Variants in USP9X observed in about 807,000 individuals in gnomAD.
The protein encoded by USP9X is ubiquitin specific peptidase 9 X-linked.
In USP9X, 7 loss-of-function variants were observed where a neutral mutation model predicts 190.3. The observed-to-expected ratio is 0.04, with a 90% CI of 0.02 to 0.07. USP9X has a LOEUF of 0.07. USP9X is among the 10% of genes least tolerant of loss of function. USP9X has a pLI of 1.00. For synonymous variants in USP9X, 645 were observed against 659.5 expected (o/e 0.98, Z 0.34); for missense variants, 1,010 against 1,916.9 (o/e 0.53, Z 8.83).
At chrX:41,205,887 CTTTTTTTCTTT>C (rs1185040268) in intron 32 of USP9X, among the ~76,000 whole-genome samples, 3 of 87,147 alleles carry the variant, frequency 3.4e-5, no homozygotes, top group African/African-American at 1.2e-4. Flanking sequence ...TTTTCTTTTT[CTTTTTTTCTTT>C]TTTTTTTTTG....
At chrX:41,093,509 T>TA (rs930255506) in intron 1 of USP9X, among the ~76,000 whole-genome samples, 1 of 111,555 alleles carries the variant, frequency 9.0e-6, no homozygotes, top group African/African-American at 3.3e-5. Flanking sequence ...CACACCCAGC[T>TA]AATTTTGTAT....
At chrX:41,195,565 A>G (rs1435179069) in intron 26 of USP9X, among the ~76,000 whole-genome samples, 1 of 111,446 alleles carries the variant, frequency 9.0e-6, no homozygotes, top group Admixed American at 9.6e-5. Flanking sequence ...ACCAGGGCCC[A>G]GTTTCATGGA....
In USP9X at chrX:41,196,048, C is replaced by A. The variant is rs952026690; in HGVS notation, c.3978-203C>A. 3 of 506,454 alleles carry A rather than the reference C, an allele frequency of 5.9e-6. No individual in the cohort carries two copies. The African/African-American group carries it at 7.0e-5, about 12-fold the overall frequency. The allele number at this position is 506,454 out of a possible 1,213,427, so 41.7% of individuals were successfully genotyped here. ...CTTAGTGTCAATTTGAGGTTATAGTCCTGGACATAGAGCTTAAGTTCATGT... is the reference window on the plus strand; with the variant it reads ...CTTAGTGTCAATTTGAGGTTATAGTACTGGACATAGAGCTTAAGTTCATGT... On this transcript the variant is annotated intron_variant, in intron 26 of 44. Transcript: ENST00000378308.
rs2063381068 is a variant in USP9X, at chrX:41,233,783, C to T, written c.*1259C>T. The T allele has an allele frequency of 3.6e-5, 4 of 112,065 alleles. No individual in the cohort carries two copies. Among genetic ancestry groups the T allele is most frequent in the Admixed American group, 1.9e-4 (2 of 10,520 alleles). The allele number at this position is 112,065 out of a possible 1,213,427, so 9.2% of individuals were successfully genotyped here. A position where few individuals can be genotyped will look rare whatever the true frequency, so the allele number is the denominator to read the frequency against. On this transcript the variant is annotated 3_prime_UTR_variant, in exon 45 of 45. Transcript: ENST00000378308. Reference sequence around the variant, plus strand: ...TGAGATATTACAATTTCAGAATAAACATTTGATTAAAAATAAGGAAATCCT... The same window carrying T: ...TGAGATATTACAATTTCAGAATAAATATTTGATTAAAAATAAGGAAATCCT...
chrX:41,199,796 G>A (rs900411989), intron 30 of USP9X, among the ~76,000 whole-genome samples: 2 of 111,475 alleles, frequency 1.8e-5, no homozygotes, highest in African/African-American at 3.3e-5. Context: ...GTTCCGTAAC[G>A]TTATGAGTTC....
chrX:41,147,450 GTTTT>G (rs760854080), intron 11 of USP9X, among the ~76,000 whole-genome samples: 9 of 69,793 alleles, frequency 1.3e-4, no homozygotes, highest in Admixed American at 5.3e-4. Flanking sequence ...CTTAATCGTT[GTTTT>G]TTTTTTTTTT....
chrX:41,155,370 A>G (rs1056098474), intron 14 of USP9X, among the ~76,000 whole-genome samples: 1 of 112,052 alleles, frequency 8.9e-6, no homozygotes, highest in African/African-American at 3.2e-5. Flanking sequence ...ATATGCATAC[A>G]ATGAAGTATA....
At chrX:41,170,760 C>T in intron 20 of USP9X, 141 bp downstream of exon 20, 3 of 535,572 alleles carry the variant, frequency 5.6e-6, no homozygotes, top group Non-Finnish European at 5.7e-6. Context: ...CCACCAACTT[C>T]AGAATGGATC....
At chrX:41,134,931 TTC>T in intron 5 of USP9X, 94 bp downstream of exon 5, 1 of 668,674 alleles carries the variant, frequency 1.5e-6, no homozygotes, top group Admixed American at 3.3e-5. Context: ...GTTATATTTA[TTC>T]TGTTATAATT....
At chrX:41,229,188 G>C in intron 41 of USP9X, 65 bp from the exon 42 acceptor site, 1 of 880,287 alleles carries the variant, frequency 1.1e-6, no homozygotes, top group Non-Finnish European at 1.5e-6. Flanking sequence ...GCACATAGTA[G>C]GCACTCAGTA....
intron 1 of USP9X, among the ~76,000 whole-genome samples, chrX:41,109,229 G>A (rs1384993495): frequency 8.9e-6 from 1 of 112,054 alleles, no homozygotes; most frequent in Non-Finnish European, 1.9e-5. Context: ...ATTTTCACCA[G>A]TTAACGATTG....
intron 4 of USP9X, among the ~76,000 whole-genome samples, chrX:41,132,568 T>A (rs113112734): frequency 0.19 from 21,085 of 109,892 alleles, 1,583 homozygotes; most frequent in Admixed American, 0.26. Context: ...CCTCCCAAAG[T>A]GCTGGGATTA....
chrX:41,157,395 G>C (rs1050424593), intron 14 of USP9X, among the ~76,000 whole-genome samples: 1 of 110,885 alleles, frequency 9.0e-6, no homozygotes, highest in African/African-American at 3.3e-5. Context: ...AAATCTACTA[G>C]TCAAGGAGGC....
At chrX:41,146,408 G>A (rs2062463799) in intron 11 of USP9X, among the ~76,000 whole-genome samples, 1 of 112,234 alleles carries the variant, frequency 8.9e-6, no homozygotes, top group South Asian at 3.6e-4. Context: ...GTTCTTTGCA[G>A]ATTGCAACCA....
intron 6 of USP9X, among the ~76,000 whole-genome samples, chrX:41,138,931 A>G (rs1466435227): frequency 1.8e-5 from 2 of 112,527 alleles, no homozygotes; most frequent in African/African-American, 6.5e-5. Flanking sequence ...GAAAACTTAG[A>G]GCCAGAGAAG....
chrX:41,179,121 A>T lies in USP9X; in HGVS notation c.3149-4877A>T, dbSNP rs955729175. Among the ~76,000 whole-genome samples the T allele has an allele frequency of 5.4e-5, 6 of 111,987 alleles. No homozygotes were observed. In the Admixed American group the frequency reaches 5.7e-4, roughly 11 times the overall value. Reference sequence around the variant, plus strand: ...GCTGTTTTGGTTACTATTGCTCTATAGTAAATTTTGAAGTCAAGTAGCTGA... The same window carrying T: ...GCTGTTTTGGTTACTATTGCTCTATTGTAAATTTTGAAGTCAAGTAGCTGA... On this transcript the variant is annotated intron_variant, in intron 21 of 44. Transcript: ENST00000378308.
intron 1 of USP9X, among the ~76,000 whole-genome samples, chrX:41,116,836 GGTT>G (rs1358614125): frequency 2.7e-5 from 3 of 111,750 alleles, no homozygotes; most frequent in Non-Finnish European, 3.8e-5. Flanking sequence ...GAATGAGAGA[GGTT>G]GTTACTTTCT....
intron 34 of USP9X, 132 bp downstream of exon 34, chrX:41,214,841 G>T (rs1490607520): frequency 3.0e-6 from 2 of 666,960 alleles, no homozygotes; most frequent in Non-Finnish European, 2.2e-6. Flanking sequence ...TAGCAGAGAA[G>T]TAGTCAATAT....
rs948058043 is a variant in USP9X at position 41,167,685 on chromosome X, G to A, written c.2424+108G>A. 3.9e-5 allele frequency: 21 copies of A among 539,317 alleles called. No individual in the cohort carries two copies. The African/African-American group carries it at 4.5e-4, about 12-fold the overall frequency. The allele number at this position is 539,317 out of a possible 1,213,427, so 44.4% of individuals were successfully genotyped here. A position where few individuals can be genotyped will look rare whatever the true frequency, so the allele number is the denominator to read the frequency against. ...CTAAATGAATCTTGCCTTGTTAGTT[G>A]TCTTGAAGTGATTGGGTTATTTTTA... On this transcript the variant is annotated intron_variant, in intron 17 of 44. Coordinates refer to ENST00000378308, the MANE Select transcript of USP9X (RefSeq NM_001039591.3).
Sources: gnomAD v4.1 joint callset for allele counts (sites outside exome capture counted in the v4.1 genomes callset) on GRCh38, gnomAD v4.1.1 for gene constraint, MANE v1.5 for transcripts, NCBI Gene and HGNC (gene_info 2026-07-23, HGNC 2026-07-21) for gene names.